Variants in NPAS3 observed in about 807,000 individuals in gnomAD.
NPAS3 encodes neuronal PAS domain protein 3.
NPAS3 carries 14 observed loss-of-function variants against 73.1 expected under a neutral mutation model. The ratio of observed to expected loss-of-function variants is 0.19; its 90% confidence interval spans 0.13 to 0.30. The LOEUF (loss-of-function observed/expected upper bound fraction) is 0.30. NPAS3 is among the 10% of genes least tolerant of loss of function. The pLI, the probability that NPAS3 is intolerant of heterozygous loss-of-function variation, is 1.00. For missense variants in NPAS3, 1,096 were observed against 1,250.0 expected, an observed-to-expected ratio of 0.88 and a Z score of 1.86; for synonymous variants, 620 against 541.5, an observed-to-expected ratio of 1.14 and a Z score of -2.01.
chr14:33,535,301 G>A (rs980694), intron 4 of NPAS3, among the ~76,000 whole-genome samples: 29 of 152,066 alleles, frequency 1.9e-4, no homozygotes, highest in Non-Finnish European at 2.9e-4. Flanking sequence ...CTAAATAGGC[G>A]CAAAATGTAT....
In NPAS3 at chr14:33,210,472, C is replaced by T. The variant is rs573256100; in HGVS notation, c.141-4710C>T. 1.6e-4 allele frequency among the ~76,000 whole-genome samples: 25 copies of T among 152,282 alleles called. 1 individual carries two copies. In the East Asian group the frequency reaches 3.9e-3, roughly 24 times the overall value. The stretch of plus-strand genomic sequence containing the variant: ...TGAGGAGGCAGCTGCTGTGCAGCTT[C>T]CCCACTTCTGGGCACCACTTGTCCT... On this transcript the variant is annotated intron_variant, in intron 2 of 11. Coordinates refer to ENST00000356141, the Ensembl canonical transcript of NPAS3.
intron 3 of NPAS3, among the ~76,000 whole-genome samples, chr14:33,268,079 G>A (rs567238580): frequency 1.2e-3 from 177 of 151,900 alleles, no homozygotes; most frequent in African/African-American, 4.2e-3. Context: ...CTGTGATAGG[G>A]GACTTTCCCA....
intron 4 of NPAS3, among the ~76,000 whole-genome samples, chr14:33,498,933 AGAGTGTGTGTGTGTGT>A (rs1270918301): frequency 3.1e-3 from 235 of 76,996 alleles, no homozygotes; most frequent in African/African-American, 0.011. Context: ...AGACAGAGAG[AGAGTGTGTGTGTGTGT>A]GTGTGTGTGT....
At chr14:32,985,290 G>C (rs931309629) in intron 1 of NPAS3, among the ~76,000 whole-genome samples, 2 of 152,152 alleles carry the variant, frequency 1.3e-5, no homozygotes, top group African/African-American at 4.8e-5. Flanking sequence ...GCTCGTGTGT[G>C]TTGAAGGAGA....
At chr14:33,457,795 G>A (rs576999141) in intron 4 of NPAS3, among the ~76,000 whole-genome samples, 1 of 152,216 alleles carries the variant, frequency 6.6e-6, no homozygotes, top group African/African-American at 2.4e-5. Context: ...AAGAATTATG[G>A]GATGGTGCCA....
In NPAS3 at chr14:33,533,736, A is replaced by G. The variant is rs538131468; in HGVS notation, c.469-26385A>G. Among the ~76,000 whole-genome samples, 5 of 152,272 alleles carry G rather than the reference A, an allele frequency of 3.3e-5. No individual in the cohort carries two copies. In the South Asian group the frequency reaches 1.0e-3, roughly 32 times the overall value. On this transcript the variant is annotated intron_variant, in intron 4 of 11. Transcript: ENST00000356141. ...ATGAAATACCATACTATTTACAAAA[A>G]AGAAAATCACACCTGTATGTGGTGA...
At chr14:33,795,197 G>T (rs1316394699) in intron 10 of NPAS3, among the ~76,000 whole-genome samples, 2 of 152,168 alleles carry the variant, frequency 1.3e-5, no homozygotes, top group Non-Finnish European at 2.9e-5. Context: ...AATGATTATT[G>T]CTCTAGAGAG....
chr14:33,316,632 TATCTGG>T (rs1485439615), intron 3 of NPAS3, among the ~76,000 whole-genome samples: 1 of 152,146 alleles, frequency 6.6e-6, no homozygotes, highest in African/African-American at 2.4e-5. Flanking sequence ...GTTATATTCT[TATCTGG>T]ACCATTGAGT....
chr14:33,790,349 C>T (rs1243854455), intron 9 of NPAS3, among the ~76,000 whole-genome samples: 3 of 152,210 alleles, frequency 2.0e-5, no homozygotes, highest in Non-Finnish European at 4.4e-5. Context: ...TAAAAAACAA[C>T]AGCCACTGGA....
At chr14:33,491,188 A>G (rs1248977022) in intron 4 of NPAS3, among the ~76,000 whole-genome samples, 1 of 152,118 alleles carries the variant, frequency 6.6e-6, no homozygotes, top group Non-Finnish European at 1.5e-5. Context: ...GCCATTTTTG[A>G]TATTTCCAAA....
intron 7 of NPAS3, among the ~76,000 whole-genome samples, chr14:33,746,199 A>ATTTT (rs1555326917): frequency 3.4e-5 from 5 of 148,930 alleles, no homozygotes; most frequent in African/African-American, 1.3e-4. Flanking sequence ...TTATTTATTT[A>ATTTT]TTTTTTTGAG....
At chr14:33,499,182 G>A (rs2052391078) in intron 4 of NPAS3, among the ~76,000 whole-genome samples, 2 of 151,574 alleles carry the variant, frequency 1.3e-5, no homozygotes, top group East Asian at 2.0e-4. Context: ...AAATATTATC[G>A]AAAAGAGCAC....
intron 3 of NPAS3, among the ~76,000 whole-genome samples, chr14:33,225,982 A>G (rs886699909): frequency 1.6e-4 from 24 of 152,212 alleles, no homozygotes; most frequent in Non-Finnish European, 2.8e-4. Flanking sequence ...ACATAAGTCT[A>G]TTTGTCATGA....
chr14:33,066,608 T>C (rs947094275), intron 2 of NPAS3, among the ~76,000 whole-genome samples: 1 of 152,192 alleles, frequency 6.6e-6, no homozygotes, highest in African/African-American at 2.4e-5. Context: ...ATTGGGTCTG[T>C]TCAGGAGAAA....
chr14:33,792,101 T>C (rs1175248705), intron 9 of NPAS3, among the ~76,000 whole-genome samples: 1 of 152,178 alleles, frequency 6.6e-6, no homozygotes, highest in Non-Finnish European at 1.5e-5. Flanking sequence ...ACAGAAGAGC[T>C]GTATGGCAGA....
intron 3 of NPAS3, among the ~76,000 whole-genome samples, chr14:33,240,672 C>T (rs2048185145): frequency 6.6e-6 from 1 of 151,916 alleles, no homozygotes; most frequent in Non-Finnish European, 1.5e-5. Flanking sequence ...TGAGAGACCA[C>T]ATCGCTCCCT....
chr14:33,168,688 C>G (rs944552350), intron 2 of NPAS3, among the ~76,000 whole-genome samples: 1 of 152,068 alleles, frequency 6.6e-6, no homozygotes, highest in African/African-American at 2.4e-5. Context: ...TCTCCTGATT[C>G]CTTCATTTCA....
At chr14:33,122,350 GA>G (rs2043261323) in intron 2 of NPAS3, among the ~76,000 whole-genome samples, 1 of 152,144 alleles carries the variant, frequency 6.6e-6, no homozygotes, top group African/African-American at 2.4e-5. Context: ...CCTTTCTCCA[GA>G]AGAGGGAAAC....
chr14:33,020,575 TC>T (rs1314384950), intron 1 of NPAS3, among the ~76,000 whole-genome samples: 1 of 152,126 alleles, frequency 6.6e-6, no homozygotes, highest in Non-Finnish European at 1.5e-5. Context: ...AGAGTTCCTT[TC>T]TCTCCACCCC....
Sources: gnomAD v4.1 joint callset for allele counts (sites outside exome capture counted in the v4.1 genomes callset) on GRCh38, gnomAD v4.1.1 for gene constraint, MANE v1.5 for transcripts, NCBI Gene and HGNC (gene_info 2026-07-23, HGNC 2026-07-21) for gene names.